The following SHANK2 variants were observed in gnomAD, a reference collection of about 807,000 sequenced individuals.
The protein encoded by SHANK2 is SH3 and multiple ankyrin repeat domains 2.
Under a neutral mutation model 133.7 loss-of-function variants are expected in SHANK2, and 43 were observed. That is an observed-to-expected ratio of 0.32 (90% CI 0.25 to 0.41). The LOEUF (loss-of-function observed/expected upper bound fraction) is 0.41. Among genes scored for constraint, SHANK2 ranks in the 10% least tolerant of loss-of-function variants. SHANK2 has a pLI of 1.00. For missense variants in SHANK2, 1,994 were observed against 2,235.8 expected (o/e 0.89, Z 2.18); for synonymous variants, 1,017 against 952.8 (o/e 1.07, Z -1.24).
rs181053104 is a variant in SHANK2, at chr11:70,575,718, G to A, written c.2062-72787C>T. Among the ~76,000 whole-genome samples, 236 of 151,708 alleles carry A rather than the reference G, an allele frequency of 1.6e-3. 1 individual carries two copies. Among genetic ancestry groups the A allele is most frequent in the Non-Finnish European group, 2.7e-3 (185 of 67,952 alleles). ...GACACTCAGGTGGTGGGTGGGGGGC[G>A]CAGGATGAGATGTGTGGAGACTCTA... On this transcript the variant is annotated intron_variant, in intron 17 of 25. Transcript: ENST00000601538.
chr11:70,884,649 G>T (rs190699989), intron 11 of SHANK2, among the ~76,000 whole-genome samples: 1 of 152,282 alleles, frequency 6.6e-6, no homozygotes, highest in Non-Finnish European at 1.5e-5. Flanking sequence ...TACGGTGTCC[G>T]GTCCCCCCCA....
At chr11:70,562,869 A>G (rs1378726575) in intron 17 of SHANK2, among the ~76,000 whole-genome samples, 1 of 151,566 alleles carries the variant, frequency 6.6e-6, no homozygotes, top group Non-Finnish European at 1.5e-5. Context: ...TTGGGTTGAT[A>G]ATTTGTTTGT....
At chr11:70,693,771 G>A (rs1398517666) in intron 15 of SHANK2, among the ~76,000 whole-genome samples, 1 of 152,082 alleles carries the variant, frequency 6.6e-6, no homozygotes, top group East Asian at 1.9e-4. Flanking sequence ...TGGATGGGTG[G>A]GTAGGTAGGT....
rs76462431 is a variant in SHANK2, at chr11:70,493,535, A to G, written c.2309-1070T>C. Among the ~76,000 whole-genome samples the G allele has an allele frequency of 2.0e-4, 30 of 149,370 alleles. No homozygotes were observed. In the East Asian group the frequency reaches 3.4e-3, roughly 17 times the overall value. On this transcript the variant is annotated intron_variant, in intron 21 of 25. Transcript: ENST00000601538. ...TCTCCTGACGCCTTAGCTTCATCTC[A>G]GGGTGTTTGGGATCAGGCATAAGGG...
chr11:71,140,968 C>T (rs1438769341), intron 3 of SHANK2, among the ~76,000 whole-genome samples: 13 of 152,218 alleles, frequency 8.5e-5, no homozygotes, highest in African/African-American at 2.7e-4. Context: ...GGTTTCAAGG[C>T]CCAAGGCTGG....
At chr11:70,885,001 G>A (rs1346540270) in intron 11 of SHANK2, among the ~76,000 whole-genome samples, 8 of 152,344 alleles carry the variant, frequency 5.3e-5, no homozygotes, top group South Asian at 2.1e-4. Context: ...GATTACAGGC[G>A]TGAGACACTG....
chr11:70,533,109 G>A (rs2059497789), intron 17 of SHANK2, among the ~76,000 whole-genome samples: 1 of 152,210 alleles, frequency 6.6e-6, no homozygotes, highest in South Asian at 2.1e-4. Flanking sequence ...GGGAGGGACG[G>A]CCCTTGGGGA....
intron 15 of SHANK2, among the ~76,000 whole-genome samples, chr11:70,667,200 G>A (rs1189201587): frequency 1.3e-5 from 2 of 152,178 alleles, no homozygotes; most frequent in African/African-American, 4.8e-5. Flanking sequence ...TGGCCATGCT[G>A]CCATGGAGAA....
chr11:71,071,546 G>A (rs1475477591), intron 9 of SHANK2, among the ~76,000 whole-genome samples: 2 of 152,236 alleles, frequency 1.3e-5, no homozygotes, highest in African/African-American at 4.8e-5. Flanking sequence ...TTTTGCCCTG[G>A]CTATGTCTCA....
intron 17 of SHANK2, among the ~76,000 whole-genome samples, chr11:70,594,067 C>A (rs1399174016): frequency 6.6e-6 from 1 of 152,214 alleles, no homozygotes; most frequent in Non-Finnish European, 1.5e-5. Context: ...CGTGTTGGAG[C>A]TGCCCGATTC....
intron 14 of SHANK2, among the ~76,000 whole-genome samples, chr11:70,795,894 G>A (rs1301997255): frequency 2.0e-5 from 3 of 152,208 alleles, no homozygotes; most frequent in African/African-American, 4.8e-5. Flanking sequence ...ATGCAGCCCT[G>A]CTGATGCCCT....
intron 8 of SHANK2, among the ~76,000 whole-genome samples, chr11:71,086,675 A>G (rs1336459322): frequency 6.6e-6 from 1 of 151,586 alleles, no homozygotes; most frequent in Non-Finnish European, 1.5e-5. Context: ...AGATCCTGCT[A>G]GAGATGGACT....
intron 1 of SHANK2, among the ~76,000 whole-genome samples, chr11:71,242,315 C>T (rs549806733): frequency 6.6e-6 from 1 of 152,294 alleles, no homozygotes; most frequent in East Asian, 1.9e-4. Context: ...GTGACGATGG[C>T]TGCAGAGCAC....
At chr11:70,490,190 G>T (rs1277108067) in intron 23 of SHANK2, 86 bp downstream of exon 23, 1 of 1,171,304 alleles carries the variant, frequency 8.5e-7, no homozygotes, top group Non-Finnish European at 1.3e-6. Context: ...ACTGTGAGAG[G>T]CCCAGGGCTC....
chr11:70,510,100 C>T (rs1220130757), intron 17 of SHANK2, among the ~76,000 whole-genome samples: 1 of 152,080 alleles, frequency 6.6e-6, no homozygotes, highest in Non-Finnish European at 1.5e-5. Context: ...GCAGGTGACC[C>T]AGGAGTGACT....
At position 70,573,959 on chromosome 11, in the gene SHANK2, C is replaced by T. The variant is rs373301716; in HGVS notation, c.2062-71028G>A. Among the ~76,000 whole-genome samples, 26 of 152,366 alleles carry T rather than the reference C, an allele frequency of 1.7e-4. No individual in the cohort carries two copies. The South Asian group carries it at 3.3e-3, about 19-fold the overall frequency. Reference sequence around the variant, plus strand: ...GCCCCAGGGGCGGATGGCGCTATGCCAGTTTCTCTCCAGCCACCAAGACCC... The same window carrying T: ...GCCCCAGGGGCGGATGGCGCTATGCTAGTTTCTCTCCAGCCACCAAGACCC... On this transcript the variant is annotated intron_variant, in intron 17 of 25. Transcript: ENST00000601538.
At chr11:70,550,605 G>A (rs527795485) in intron 17 of SHANK2, among the ~76,000 whole-genome samples, 2 of 152,306 alleles carry the variant, frequency 1.3e-5, no homozygotes, top group South Asian at 2.1e-4. Flanking sequence ...GGGTCGGCTC[G>A]CATTTGGTCC....
chr11:70,553,418 C>G (rs1407199716), intron 17 of SHANK2, among the ~76,000 whole-genome samples: 23 of 152,104 alleles, frequency 1.5e-4, no homozygotes, highest in African/African-American at 4.8e-4. Flanking sequence ...CTTTAAAGAC[C>G]CTGTCTTCAA....
chr11:70,525,180 C>T (rs1490342099), intron 17 of SHANK2, among the ~76,000 whole-genome samples: 1 of 152,220 alleles, frequency 6.6e-6, no homozygotes, highest in African/African-American at 2.4e-5. Flanking sequence ...CCAGTGCAGG[C>T]CTCGAGGACT....
Sources: allele counts gnomAD v4.1 joint callset (sites outside exome capture counted in the v4.1 genomes callset), GRCh38; gene constraint gnomAD v4.1.1; transcripts MANE v1.5; gene names NCBI Gene and HGNC (gene_info 2026-07-23, HGNC 2026-07-21).